POLR1A: variants seen among roughly 807,000 people sequenced by gnomAD.
The protein encoded by POLR1A is RNA polymerase I subunit A, also known as DNA-directed RNA polymerase I subunit RPA1.
A neutral mutation model predicts 205.3 loss-of-function variants in POLR1A; 84 were observed. That is an observed-to-expected ratio of 0.41 (90% CI 0.34 to 0.49). POLR1A has a LOEUF of 0.49. Among genes scored for constraint, POLR1A ranks in the 20% least tolerant of loss-of-function variants. POLR1A has a pLI of 0.22. For missense variants in POLR1A, 1,645 were observed against 2,204.5 expected, an observed-to-expected ratio of 0.75 and a Z score of 5.08; for synonymous variants, 799 against 863.7, an observed-to-expected ratio of 0.93 and a Z score of 1.31.
intron 30 of POLR1A, 22 bp from the exon 31 acceptor site, chr2:86,030,418 G>C: frequency 1.3e-6 from 2 of 1,567,688 alleles, no homozygotes; most frequent in Non-Finnish European, 1.8e-6. Flanking sequence ...GGGAGAGCTG[G>C]GTAGGGTGAC....
At position 86,022,293 on chromosome 2, in the gene POLR1A, G is replaced by A. The variant is rs1183797444; in HGVS notation, c.*5130C>T. 1 of 152,152 alleles carries A rather than the reference G, an allele frequency of 6.6e-6. No individual in the cohort carries two copies. The highest frequency in any genetic ancestry group is 2.4e-5 in the African/African-American group (1 of 41,402). 9.4% of individuals were successfully genotyped at this position (152,152 alleles called of 1,614,324 possible). On this transcript the variant is annotated 3_prime_UTR_variant, in exon 34 of 34. Transcript: ENST00000263857. The stretch of plus-strand genomic sequence containing the variant: ...GTGGAGCTGATGGTGGCATCCTTTG[G>A]ACCCCACTGTAAAGTCCTTGCAGAC...
chr2:86,034,473 CA>C (rs1436045246), intron 27 of POLR1A, among the ~76,000 whole-genome samples: 1 of 152,202 alleles, frequency 6.6e-6, no homozygotes, highest in East Asian at 1.9e-4. Flanking sequence ...TTAAAAGAAC[CA>C]ACCTGAAGCT....
chr2:86,047,720 C>G (rs1672734053), intron 18 of POLR1A, among the ~76,000 whole-genome samples: 1 of 152,198 alleles, frequency 6.6e-6, no homozygotes, highest in South Asian at 2.1e-4. Flanking sequence ...GCCACCCAAG[C>G]CCCATGTAGG....
At chr2:86,034,928 T>C (rs1349724702) in intron 27 of POLR1A, among the ~76,000 whole-genome samples, 1 of 152,072 alleles carries the variant, frequency 6.6e-6, no homozygotes, top group Non-Finnish European at 1.5e-5. Flanking sequence ...TGGAGTGCAG[T>C]GGTGCGACCT....
intron 13 of POLR1A, among the ~76,000 whole-genome samples, chr2:86,066,208 C>T (rs1273726622): frequency 6.6e-6 from 1 of 152,092 alleles, no homozygotes; most frequent in Non-Finnish European, 1.5e-5. Context: ...ACAGGTTCCT[C>T]AAGAGAGCTG....
intron 1 of POLR1A, among the ~76,000 whole-genome samples, chr2:86,102,920 T>C (rs1372116842): frequency 6.6e-6 from 1 of 152,144 alleles, no homozygotes; most frequent in Non-Finnish European, 1.5e-5. Context: ...GAACTGAGAA[T>C]GGGTGTCGTT....
chr2:86,028,145 T>C lies in POLR1A; in HGVS notation c.4898-96A>G, dbSNP rs1672305456. Reference sequence around the variant, plus strand: ...AGCTGCCTCCACATCAGCACATGGCTTGGGAGTTAGACTCTGGGGCTCCCC... The same window carrying C: ...AGCTGCCTCCACATCAGCACATGGCCTGGGAGTTAGACTCTGGGGCTCCCC... On this transcript the variant is annotated intron_variant, in intron 32 of 33. Coordinates refer to ENST00000263857, the MANE Select transcript of POLR1A (RefSeq NM_015425.6). This position sits in a 1 kb window ranked among gnomAD's most constrained non-coding sequence, Gnocchi z 4.5. 3 of 1,198,718 alleles carry C rather than the reference T, an allele frequency of 2.5e-6. No homozygotes were observed. Among genetic ancestry groups the C allele is most frequent in the Non-Finnish European group, 3.7e-6 (3 of 813,100 alleles). 74.3% of individuals were successfully genotyped at this position (1,198,718 alleles called of 1,614,324 possible).
chr2:86,102,558 A>C (rs1394432305), intron 1 of POLR1A, among the ~76,000 whole-genome samples: 2 of 152,214 alleles, frequency 1.3e-5, no homozygotes, highest in African/African-American at 4.8e-5. Context: ...ATTTTCCCCC[A>C]TTCCATGGGT....
chr2:86,105,094 T>C lies in POLR1A; in HGVS notation c.77+606A>G, dbSNP rs117338609. Among the ~76,000 whole-genome samples, 979 of 152,292 alleles carry C rather than the reference T, an allele frequency of 6.4e-3. 24 individuals carry two copies. In the East Asian group the frequency reaches 0.099, roughly 15 times the overall value. ...TGCTCAATAAATGTTTGTGAGGTTA[T>C]AGATCGATAGAGGAAGAGAGGGAGG... On this transcript the variant is annotated intron_variant, in intron 1 of 33. Transcript: ENST00000263857.
At chr2:86,095,322 T>TTCAACACAGTAATGTAGATCCTAG (rs1673684720) in intron 3 of POLR1A, among the ~76,000 whole-genome samples, 1 of 152,126 alleles carries the variant, frequency 6.6e-6, no homozygotes, top group African/African-American at 2.4e-5. Flanking sequence ...CCACTACCAC[T>TTCAACACAGTAATGTAGATCCTAG]TCAACACAGT....
chr2:86,049,134 G>C, intron 17 of POLR1A, 26 bp downstream of exon 17: 1 of 1,610,264 alleles, frequency 6.2e-7, no homozygotes, highest in Non-Finnish European at 8.5e-7. Context: ...TCTAGGGCAG[G>C]CCACGGCCTC....
rs1690177303 is a variant in POLR1A at position 86,022,930 on chromosome 2, G to T, written c.*4493C>A. 1 of 151,894 alleles carries T rather than the reference G, an allele frequency of 6.6e-6. No homozygotes were observed. Among genetic ancestry groups the T allele is most frequent in the Non-Finnish European group, 1.5e-5 (1 of 68,008 alleles). The allele number at this position is 151,894 out of a possible 1,614,324, so 9.4% of individuals were successfully genotyped here. A position where few individuals can be genotyped will look rare whatever the true frequency, so the allele number is the denominator to read the frequency against. On this transcript the variant is annotated 3_prime_UTR_variant, in exon 34 of 34. Coordinates refer to ENST00000263857, the MANE Select transcript of POLR1A (RefSeq NM_015425.6). ...AGACGGAGTCTCACTCTGTTGCCCAGGCTGGAGTGACATAATCTCGGCTCA... is the reference window on the plus strand; with the variant it reads ...AGACGGAGTCTCACTCTGTTGCCCATGCTGGAGTGACATAATCTCGGCTCA...
In POLR1A at chr2:86,092,084, C is replaced by G. The variant is rs550902680; in HGVS notation, c.433-2155G>C. ...TGAGCCAAGACTGTGCCACTGCACT[C>G]CAGCCTGGGTAACAGAGCAAGACTC... On this transcript the variant is annotated intron_variant, in intron 3 of 33. Coordinates refer to ENST00000263857, the MANE Select transcript of POLR1A (RefSeq NM_015425.6). 3.9e-5 allele frequency among the ~76,000 whole-genome samples: 6 copies of G among 152,052 alleles called. No individual in the cohort carries two copies. The East Asian group carries it at 1.2e-3, about 29-fold the overall frequency.
At position 86,097,634 on chromosome 2, in the gene POLR1A, G is replaced by T. The variant is rs185864337; in HGVS notation, c.432+977C>A. 2.6e-5 allele frequency among the ~76,000 whole-genome samples: 4 copies of T among 152,276 alleles called. No homozygotes were observed. In the East Asian group the frequency reaches 7.7e-4, roughly 29 times the overall value. On this transcript the variant is annotated intron_variant, in intron 3 of 33. Coordinates refer to ENST00000263857, the MANE Select transcript of POLR1A (RefSeq NM_015425.6). ...GAGGACATTACGTGAAATAAGCCAG[G>T]AACAGAAAGTTAAACACTGCAAGTT... is the stretch of plus-strand genomic sequence containing the variant.
rs1690188095 is a variant in POLR1A at position 86,023,360 on chromosome 2, A to C, written c.*4063T>G. ...AGACTCAACGAACCAGCCTTTAACG[A>C]CCAGTCTTTTCTATTTCAAGAGCAG... is the stretch of plus-strand genomic sequence containing the variant. On this transcript the variant is annotated 3_prime_UTR_variant, in exon 34 of 34. Transcript: ENST00000263857. 1 of 152,154 alleles carries C rather than the reference A, an allele frequency of 6.6e-6. No individual in the cohort carries two copies. The highest frequency in any genetic ancestry group is 1.5e-5 in the Non-Finnish European group (1 of 68,038). The allele number at this position is 152,154 out of a possible 1,614,324, so 9.4% of individuals were successfully genotyped here.
At chr2:86,099,151 A>G (rs1673764382) in intron 2 of POLR1A, among the ~76,000 whole-genome samples, 1 of 152,062 alleles carries the variant, frequency 6.6e-6, no homozygotes, top group African/African-American at 2.4e-5. Context: ...GGAGTTTGAG[A>G]CCAGCCTGGC....
At chr2:86,094,057 T>C (rs1408712452) in intron 3 of POLR1A, among the ~76,000 whole-genome samples, 1 of 152,206 alleles carries the variant, frequency 6.6e-6, no homozygotes, top group Non-Finnish European at 1.5e-5. Context: ...CCAGAAGCGA[T>C]GTTGTGTTCT....
chr2:86,078,517 A>C (rs906686922), intron 9 of POLR1A, among the ~76,000 whole-genome samples: 5 of 152,238 alleles, frequency 3.3e-5, no homozygotes, highest in African/African-American at 1.2e-4. Flanking sequence ...TCTAGTAGTA[A>C]GATGAACTCA....
intron 6 of POLR1A, among the ~76,000 whole-genome samples, 163 bp from the exon 7 acceptor site, chr2:86,083,331 C>T (rs941892721): frequency 6.6e-6 from 1 of 151,034 alleles, no homozygotes; most frequent in Middle Eastern, 3.4e-3. Context: ...CCCTTAATCT[C>T]ATTTCTATAG....
Sources: gnomAD v4.1 joint callset for allele counts (sites outside exome capture counted in the v4.1 genomes callset) on GRCh38, gnomAD v4.1.1 for gene constraint, Gnocchi (gnomAD v3.1) non-coding constraint, MANE v1.5 for transcripts, NCBI Gene and HGNC (gene_info 2026-07-23, HGNC 2026-07-21) for gene names.